Variants in GPR161 observed in about 807,000 individuals in gnomAD.
GPR161 encodes G protein-coupled receptor 161, also known as G-protein coupled receptor RE2.
GPR161 carries 25 observed loss-of-function variants against 39.2 expected under a neutral mutation model. That is an observed-to-expected ratio of 0.64 (90% CI 0.47 to 0.89). GPR161 has a LOEUF of 0.89. GPR161 is among the 40% of genes least tolerant of loss of function. GPR161 has a pLI of 0.00. For synonymous variants in GPR161, 286 were observed against 276.6 expected (o/e 1.03, Z -0.34); for missense variants, 547 against 677.8 (o/e 0.81, Z 2.14).
chr1:168,091,131 G>A (rs275151), intron 3 of GPR161, among the ~76,000 whole-genome samples: 7,499 of 152,262 alleles, frequency 0.049, 589 homozygotes, highest in African/African-American at 0.17. Context: ...TGAGAGTGAT[G>A]AGCTGACCCG....
intron 1 of GPR161, among the ~76,000 whole-genome samples, chr1:168,110,151 C>T (rs1696987802): frequency 2.0e-5 from 3 of 151,964 alleles, no homozygotes; most frequent in Admixed American, 2.0e-4. Flanking sequence ...CCATGAGCGA[C>T]AGTCAACAAC....
chr1:168,094,482 C>A (rs964113042), intron 3 of GPR161, among the ~76,000 whole-genome samples: 3 of 152,154 alleles, frequency 2.0e-5, no homozygotes, highest in African/African-American at 4.8e-5. Flanking sequence ...TCCCAGACTT[C>A]CTTCCTCTCT....
At chr1:168,104,427 T>G (rs376254855) in intron 2 of GPR161, 50 bp downstream of exon 2, 1 of 1,481,964 alleles carries the variant, frequency 6.7e-7, no homozygotes, top group Non-Finnish European at 9.3e-7. Context: ...CTGCACCAGA[T>G]GAGCGCCCGT....
chr1:168,095,430 T>G (rs1319002399), intron 3 of GPR161, among the ~76,000 whole-genome samples: 1 of 152,170 alleles, frequency 6.6e-6, no homozygotes, highest in Non-Finnish European at 1.5e-5. Context: ...CTCTGTATTG[T>G]TTTTCCAAGT....
intron 1 of GPR161, among the ~76,000 whole-genome samples, chr1:168,120,706 G>A (rs1252861310): frequency 2.6e-5 from 4 of 152,144 alleles, no homozygotes; most frequent in African/African-American, 9.7e-5. Context: ...TTTCCCTCAT[G>A]CTGTTCTCGT....
chr1:168,133,411 G>A (rs965536625), intron 1 of GPR161, among the ~76,000 whole-genome samples: 2 of 152,118 alleles, frequency 1.3e-5, no homozygotes, highest in African/African-American at 2.4e-5. Flanking sequence ...CACAGATAAA[G>A]ATACACAGAA....
intron 1 of GPR161, among the ~76,000 whole-genome samples, chr1:168,128,926 A>C (rs1263355387): frequency 6.6e-6 from 1 of 152,036 alleles, no homozygotes; most frequent in African/African-American, 2.4e-5. Context: ...CCCATTCCTC[A>C]CTGAGCTACA....
At chr1:168,093,724 C>T (rs1558093948) in intron 3 of GPR161, among the ~76,000 whole-genome samples, 1 of 152,216 alleles carries the variant, frequency 6.6e-6, no homozygotes, top group Non-Finnish European at 1.5e-5. Flanking sequence ...CAAGGCCTTG[C>T]CCACAGAGGG....
At chr1:168,124,498 G>A (rs978528755) in intron 1 of GPR161, among the ~76,000 whole-genome samples, 1 of 152,152 alleles carries the variant, frequency 6.6e-6, no homozygotes, top group Non-Finnish European at 1.5e-5. Flanking sequence ...CAAGATACGT[G>A]GAATTTTGAC....
In GPR161 at chr1:168,136,262, C is replaced by A. The variant is rs190638493; in HGVS notation, c.-45+477G>T. On this transcript the variant is annotated intron_variant, in intron 1 of 5. Transcript: ENST00000682931. Reference sequence around the variant, plus strand: ...GCTGGGAGAAGGCTGCTCACCTGGTCCTCACGGATTCCAGCCGAGGGGCGT... The same window carrying A: ...GCTGGGAGAAGGCTGCTCACCTGGTACTCACGGATTCCAGCCGAGGGGCGT... 15 of 1,414,470 alleles carry A rather than the reference C, an allele frequency of 1.1e-5. No individual in the cohort carries two copies. The South Asian group carries it at 1.3e-4, about 13-fold the overall frequency. The allele number at this position is 1,414,470 out of a possible 1,614,324, so 87.6% of individuals were successfully genotyped here. A position where few individuals can be genotyped will look rare whatever the true frequency, so the allele number is the denominator to read the frequency against.
At position 168,105,032 on chromosome 1, in the gene GPR161, TC is replaced by T. The variant is rs1053103585; in HGVS notation, c.-44-139del. 30 of 636,920 alleles carry T rather than the reference TC, an allele frequency of 4.7e-5. No individual in the cohort carries two copies. In the Admixed American group the frequency reaches 8.5e-4, roughly 18 times the overall value. The allele number at this position is 636,920 out of a possible 1,614,324, so 39.5% of individuals were successfully genotyped here. On this transcript the variant is annotated intron_variant, in intron 1 of 5. Transcript: ENST00000682931. Reference sequence around the variant, plus strand: ...GCTAGTACAGACTCTCAGCGGGTCTTCCCCACGTAAGCGCTACATAAGTGGG... The same window carrying T: ...GCTAGTACAGACTCTCAGCGGGTCTTCCCACGTAAGCGCTACATAAGTGGG...
chr1:168,123,481 T>C (rs987410064), intron 1 of GPR161, among the ~76,000 whole-genome samples: 3 of 151,640 alleles, frequency 2.0e-5, no homozygotes, highest in Non-Finnish European at 4.4e-5. Context: ...TATGTATCTG[T>C]CTATCTATCT....
chr1:168,113,844 A>C (rs1226196078), intron 1 of GPR161, among the ~76,000 whole-genome samples: 1 of 152,140 alleles, frequency 6.6e-6, no homozygotes. Context: ...GGGTGGGAGG[A>C]GGGAGAGGAG....
In GPR161 at chr1:168,119,287, T is replaced by TAC. The variant is rs1384261746; in HGVS notation, c.-44-14395_-44-14394dup. ...ATATATGTGTATATATATATATATATACACATATATACATACGTACATACA... is the reference window on the plus strand; with the variant it reads ...ATATATGTGTATATATATATATATATACACACATATATACATACGTACATACA... On this transcript the variant is annotated intron_variant, in intron 1 of 5. Transcript: ENST00000682931. 2.5e-4 allele frequency among the ~76,000 whole-genome samples: 34 copies of TAC among 135,852 alleles called. 3 individuals are homozygous for TAC. The highest frequency in any genetic ancestry group is 1.1e-3 in the Admixed American group (15 of 13,850). 89.1% of individuals were successfully genotyped at this position (135,852 alleles called of 152,430 possible). A position where few individuals can be genotyped will look rare whatever the true frequency, so the allele number is the denominator to read the frequency against.
At chr1:168,111,340 G>C (rs1238709657) in intron 1 of GPR161, among the ~76,000 whole-genome samples, 1 of 152,202 alleles carries the variant, frequency 6.6e-6, no homozygotes, top group Non-Finnish European at 1.5e-5. Context: ...ATCCTGATTG[G>C]TCTAAACTAA....
At chr1:168,087,428 C>G (rs1375812142) in intron 5 of GPR161, among the ~76,000 whole-genome samples, 157 bp downstream of exon 5, 1 of 152,118 alleles carries the variant, frequency 6.6e-6, no homozygotes, top group South Asian at 2.1e-4. Context: ...CCTAAGGACT[C>G]AGGTGAGACC....
At chr1:168,104,405 G>A in intron 2 of GPR161, 72 bp downstream of exon 2, 1 of 1,313,856 alleles carries the variant, frequency 7.6e-7, no homozygotes, top group Non-Finnish European at 1.1e-6. Context: ...AACTAAGGCA[G>A]TCAGAGGGAC....
rs768877806 is a variant in GPR161, at chr1:168,096,505, TA to T, written c.1099+2del. 10 of 1,611,900 alleles carry T rather than the reference TA, an allele frequency of 6.2e-6. No homozygotes were observed. The highest frequency in any genetic ancestry group is 8.5e-6 in the Non-Finnish European group (10 of 1,178,758). On this transcript the variant is annotated splice_donor_variant, in intron 3 of 5. Coordinates refer to ENST00000682931, the MANE Select transcript of GPR161 (RefSeq NM_001375883.1). LOFTEE classifies it high-confidence loss of function. ...GGGGCTATCCTAACAATGCCCAAGTTACCTGTGATCCTGTTGGAAATGCTGA... is the reference window on the plus strand; with the variant it reads ...GGGGCTATCCTAACAATGCCCAAGTTCCTGTGATCCTGTTGGAAATGCTGA...
At chr1:168,127,678 T>A (rs1005957829) in intron 1 of GPR161, among the ~76,000 whole-genome samples, 1 of 152,148 alleles carries the variant, frequency 6.6e-6, no homozygotes, top group Non-Finnish European at 1.5e-5. Context: ...AAAATTCCCA[T>A]TTTTAAAACC....
Sources: gnomAD v4.1 joint callset for allele counts (sites outside exome capture counted in the v4.1 genomes callset) on GRCh38, gnomAD v4.1.1 for gene constraint, MANE v1.5 for transcripts, NCBI Gene and HGNC (gene_info 2026-07-23, HGNC 2026-07-21) for gene names.